Variants in GABRA5 observed in about 807,000 individuals in gnomAD.
GABRA5 encodes the protein gamma-aminobutyric acid type A receptor subunit alpha5.
A neutral mutation model predicts 47.3 loss-of-function variants in GABRA5; 18 were observed. The ratio of observed to expected loss-of-function variants is 0.38; its 90% confidence interval spans 0.26 to 0.56. The LOEUF (loss-of-function observed/expected upper bound fraction) is 0.56. Ranked by LOEUF, GABRA5 falls within the 20% of genes least tolerant of loss-of-function variation. GABRA5 has a pLI of 0.71. For missense variants in GABRA5, 365 were observed against 599.3 expected (o/e 0.61, Z 4.08); for synonymous variants, 237 against 229.3 (o/e 1.03, Z -0.30).
chr15:26,929,880 T>C (rs1053443937), intron 7 of GABRA5, among the ~76,000 whole-genome samples: 5 of 152,198 alleles, frequency 3.3e-5, no homozygotes, highest in Non-Finnish European at 7.3e-5. Context: ...TCTTAAATGG[T>C]CCTTTGGCCA....
chr15:26,944,479 G>C (rs1894463707), intron 10 of GABRA5, among the ~76,000 whole-genome samples: 1 of 152,224 alleles, frequency 6.6e-6, no homozygotes, highest in Admixed American at 6.5e-5. Flanking sequence ...CATTCTGGGT[G>C]CTCTCATGAA....
At chr15:26,939,109 A>C (rs1354114216) in intron 8 of GABRA5, 5 of 683,820 alleles carry the variant, frequency 7.3e-6, no homozygotes, top group East Asian at 2.5e-5. Flanking sequence ...AGTTTTTTGA[A>C]TTGCTCTTCC....
chr15:26,944,803 A>C (rs1051209805), intron 10 of GABRA5, among the ~76,000 whole-genome samples: 2 of 152,090 alleles, frequency 1.3e-5, no homozygotes, highest in Admixed American at 6.5e-5. Flanking sequence ...CATGATGGAT[A>C]GTGGGCTGGA....
chr15:26,928,648 G>A (rs776056989), intron 7 of GABRA5, among the ~76,000 whole-genome samples: 2 of 152,214 alleles, frequency 1.3e-5, no homozygotes, highest in Admixed American at 1.3e-4. Context: ...ACAATGAGAA[G>A]GCACCCAAGC....
At chr15:26,886,164 C>T (rs1163900008) in intron 6 of GABRA5, among the ~76,000 whole-genome samples, 2 of 151,984 alleles carry the variant, frequency 1.3e-5, no homozygotes, top group African/African-American at 2.4e-5. Flanking sequence ...GGATTACAGG[C>T]GTGTGCCACC....
chr15:26,916,382 T>A (rs1372300511), intron 7 of GABRA5, among the ~76,000 whole-genome samples: 2 of 152,186 alleles, frequency 1.3e-5, no homozygotes, highest in South Asian at 2.1e-4. Flanking sequence ...ATCAGTTGAC[T>A]GTATATGCAT....
At chr15:26,913,092 GA>G (rs1340358591) in intron 6 of GABRA5, among the ~76,000 whole-genome samples, 1 of 132,652 alleles carries the variant, frequency 7.5e-6, no homozygotes, top group African/African-American at 2.7e-5. Context: ...GCTGAGGCAG[GA>G]GAATTGCTTG....
Position 26,919,135 on chromosome 15 carries a change from C to G in GABRA5, c.580+4250C>G, listed in dbSNP as rs763631069. 5.1e-5 allele frequency among the ~76,000 whole-genome samples: 7 copies of G among 136,476 alleles called. 1 individual carries two copies. The highest frequency in any genetic ancestry group is 1.1e-4 in the Non-Finnish European group (7 of 63,796). 89.5% of individuals were successfully genotyped at this position (136,476 alleles called of 152,430 possible). On this transcript the variant is annotated intron_variant, in intron 7 of 10. Transcript: ENST00000335625. ...TCCAGCCTAGGCAATAGTGTAACAC[C>G]CTGTCTCAAGAAACAAAACACACAC...
chr15:26,944,907 C>G (rs1390465889), intron 10 of GABRA5, among the ~76,000 whole-genome samples: 1 of 152,062 alleles, frequency 6.6e-6, no homozygotes, highest in Non-Finnish European at 1.5e-5. Context: ...CGTGAGCCCC[C>G]GGGTGAATGG....
chr15:26,885,078 C>G (rs971152458), intron 6 of GABRA5, among the ~76,000 whole-genome samples: 5 of 151,984 alleles, frequency 3.3e-5, no homozygotes, highest in African/African-American at 1.2e-4. Flanking sequence ...GGGAGGATCA[C>G]GAGATCAGGA....
At chr15:26,941,852 A>G (rs1429743739) in intron 9 of GABRA5, among the ~76,000 whole-genome samples, 1 of 152,210 alleles carries the variant, frequency 6.6e-6, no homozygotes, top group Non-Finnish European at 1.5e-5. Context: ...ATAAGGCATC[A>G]GTCATAGCAG....
chr15:26,911,321 T>C (rs1258043662), intron 6 of GABRA5, among the ~76,000 whole-genome samples: 1 of 151,882 alleles, frequency 6.6e-6, no homozygotes, highest in Admixed American at 6.6e-5. Flanking sequence ...TCCAGCTAAA[T>C]GCTGTCCACC....
Position 26,937,324 on chromosome 15 carries a change from C to T in GABRA5, c.720C>T (p.Ser240=). The T allele has an allele frequency of 1.9e-6, 3 of 1,609,552 alleles. No individual in the cohort carries two copies. In the South Asian group the frequency reaches 3.3e-5, roughly 18 times the overall value. ...TGGGCACTGAGAACATCAGCACCAG[C>T]ACAGGTGAGGGCTCGGCACGCGCTG... ...QTVGTENIST[S]TGEYTIMTAH... is the part of the protein sequence containing the mutation. The change falls in exon 8 of 11, where the codon AGC becomes AGT. Residue 240 remains serine (S), a synonymous_variant. Coordinates refer to ENST00000335625, the MANE Select transcript of GABRA5 (RefSeq NM_000810.4).
At position 26,867,870 on chromosome 15, in the gene GABRA5, C is replaced by T. The variant is rs1293493345; in HGVS notation, c.-140+759C>T. On this transcript the variant is annotated intron_variant, in intron 1 of 10. Transcript: ENST00000335625. The surrounding 1 kb of genome is among the most constrained non-coding windows in gnomAD (Gnocchi z 5.9). ...CTTGGAGTCGCTGCTGCACCGCGCG[C>T]TCCCAGCCCAGGAGGAAGGCGCTGC... The T allele has an allele frequency of 1.3e-5, 2 of 152,076 alleles. No individual in the cohort carries two copies. The highest frequency in any genetic ancestry group is 2.9e-5 in the Non-Finnish European group (2 of 68,012). The allele number at this position is 152,076 out of a possible 1,614,324, so 9.4% of individuals were successfully genotyped here.
At chr15:26,879,874 G>A (rs973825774) in intron 3 of GABRA5, among the ~76,000 whole-genome samples, 1 of 152,180 alleles carries the variant, frequency 6.6e-6, no homozygotes, top group African/African-American at 2.4e-5. Flanking sequence ...CAGGGCACTC[G>A]CTTCTTGGGA....
At chr15:26,945,131 C>T (rs1894480302) in intron 10 of GABRA5, among the ~76,000 whole-genome samples, 1 of 152,220 alleles carries the variant, frequency 6.6e-6, no homozygotes, top group Non-Finnish European at 1.5e-5. Context: ...CTCAAGCTGG[C>T]TTGTGGAATG....
intron 6 of GABRA5, among the ~76,000 whole-genome samples, chr15:26,884,660 T>C (rs1184190684): frequency 6.6e-6 from 1 of 152,160 alleles, no homozygotes. Context: ...TAGCATATGT[T>C]CTGGTGAATA....
intron 6 of GABRA5, among the ~76,000 whole-genome samples, chr15:26,898,053 G>A (rs1399358086): frequency 6.6e-6 from 1 of 152,160 alleles, no homozygotes; most frequent in Non-Finnish European, 1.5e-5. Flanking sequence ...TAGGGGTAAT[G>A]ATAGACTGAC....
chr15:26,925,065 T>C (rs1326934328), intron 7 of GABRA5, among the ~76,000 whole-genome samples: 1 of 152,042 alleles, frequency 6.6e-6, no homozygotes, highest in African/African-American at 2.4e-5. Context: ...TAGAGGAAAA[T>C]GCATTTTCAT....
Sources: allele counts gnomAD v4.1 joint callset (sites outside exome capture counted in the v4.1 genomes callset), GRCh38; gene constraint gnomAD v4.1.1; non-coding constraint Gnocchi (gnomAD v3.1); transcripts MANE v1.5; gene names NCBI Gene and HGNC (gene_info 2026-07-23, HGNC 2026-07-21).